CACNB2: variants seen among roughly 807,000 people sequenced by gnomAD.
CACNB2 encodes the protein calcium voltage-gated channel auxiliary subunit beta 2, also known as voltage-dependent L-type calcium channel subunit beta-2.
Under a neutral mutation model 73.3 loss-of-function variants are expected in CACNB2, and 42 were observed. The observed-to-expected ratio is 0.57, with a 90% CI of 0.45 to 0.74. The LOEUF is 0.74. Among genes scored for constraint, CACNB2 ranks in the 30% least tolerant of loss-of-function variants. CACNB2 has a pLI of 0.00. For missense variants in CACNB2, 940 were observed against 853.0 expected (o/e 1.10, Z -1.27); for synonymous variants, 348 against 310.3 (o/e 1.12, Z -1.28).
At chr10:18,400,728 A>T in intron 2 of CACNB2, 1 of 1,269,090 alleles carries the variant, frequency 7.9e-7, no homozygotes, top group Admixed American at 3.5e-5. Flanking sequence ...GGGTTATGAG[A>T]TGCATTAAGT....
At chr10:18,425,179 A>G (rs1407016521) in intron 3 of CACNB2, among the ~76,000 whole-genome samples, 4 of 152,142 alleles carry the variant, frequency 2.6e-5, no homozygotes, top group African/African-American at 9.7e-5. Context: ...TAATTATTAA[A>G]TTGTATTTTT....
intron 2 of CACNB2, among the ~76,000 whole-genome samples, chr10:18,204,617 G>A (rs754944224): frequency 2.0e-4 from 30 of 152,164 alleles, no homozygotes; most frequent in Admixed American, 1.3e-3. Context: ...TGTGGCCTTA[G>A]GCCACAAAAT....
chr10:18,235,772 T>C (rs1383858306), intron 2 of CACNB2, among the ~76,000 whole-genome samples: 1 of 152,098 alleles, frequency 6.6e-6, no homozygotes, highest in Non-Finnish European at 1.5e-5. Flanking sequence ...GTTGGTTAGA[T>C]ATTACAGCAG....
chr10:18,487,085 C>A (rs975026346), intron 3 of CACNB2, among the ~76,000 whole-genome samples: 1 of 152,120 alleles, frequency 6.6e-6, no homozygotes, highest in Admixed American at 6.5e-5. Context: ...AGAGATTGTT[C>A]GGACCAGGTG....
chr10:18,534,233 T>G lies in CACNB2; in HGVS notation c.1206+6T>G. The G allele has an allele frequency of 2.5e-6, 4 of 1,608,908 alleles. No individual in the cohort carries two copies. The highest frequency in any genetic ancestry group is 3.4e-6 in the Non-Finnish European group (4 of 1,175,270). On this transcript the variant is annotated splice_donor_region_variant and intron_variant, in intron 11 of 13. Coordinates refer to ENST00000324631, the MANE Select transcript of CACNB2 (RefSeq NM_201596.3). Reference sequence around the variant, plus strand: ...TAAAGATTTCTTCTCCTAAGGTAAGTAGGACTGCTACTGTTTGCTCTATAA... The same window carrying G: ...TAAAGATTTCTTCTCCTAAGGTAAGGAGGACTGCTACTGTTTGCTCTATAA...
chr10:18,364,095 T>C (rs2042250716), intron 2 of CACNB2, among the ~76,000 whole-genome samples: 1 of 151,320 alleles, frequency 6.6e-6, no homozygotes, highest in Non-Finnish European at 1.5e-5. Context: ...TACAGGCGCC[T>C]GCTACCACAC....
chr10:18,404,632 T>C (rs898121035), intron 3 of CACNB2, among the ~76,000 whole-genome samples: 1 of 152,184 alleles, frequency 6.6e-6, no homozygotes, highest in Admixed American at 6.5e-5. Context: ...AGATCACATG[T>C]AATAAATAAG....
At chr10:18,536,241 A>AC (rs778602200) in intron 12 of CACNB2, 45 bp downstream of exon 12, 2 of 281,516 alleles carry the variant, frequency 7.1e-6, no homozygotes, top group Non-Finnish European at 1.1e-5. Context: ...CAGAGATCAG[A>AC]CCTTTTTTTT....
At chr10:18,498,701 G>A (rs1190006085) in intron 4 of CACNB2, 1 of 519,448 alleles carries the variant, frequency 1.9e-6, no homozygotes, top group South Asian at 2.1e-5. Flanking sequence ...CGCTCCCTGG[G>A]GCTCTGTGGC....
chr10:18,495,589 GTGTA>G, intron 3 of CACNB2, among the ~76,000 whole-genome samples: 1 of 142,604 alleles, frequency 7.0e-6, no homozygotes, highest in Non-Finnish European at 1.5e-5. Context: ...GTGTGTGTGT[GTGTA>G]TAAGAGATGA....
At chr10:18,292,790 A>T (rs1422934925) in intron 2 of CACNB2, among the ~76,000 whole-genome samples, 1 of 152,220 alleles carries the variant, frequency 6.6e-6, no homozygotes, top group Non-Finnish European at 1.5e-5. Flanking sequence ...TCCTGCTATC[A>T]TGTTAAGTGA....
At chr10:18,199,246 A>G (rs958497313) in intron 2 of CACNB2, among the ~76,000 whole-genome samples, 2 of 152,232 alleles carry the variant, frequency 1.3e-5, no homozygotes, top group Non-Finnish European at 2.9e-5. Context: ...TAGAAATTGC[A>G]ACAAAGAATA....
At chr10:18,433,868 C>T (rs1205489094) in intron 3 of CACNB2, among the ~76,000 whole-genome samples, 1 of 137,950 alleles carries the variant, frequency 7.2e-6, no homozygotes, top group African/African-American at 2.7e-5. Flanking sequence ...TGTCTTAAAT[C>T]AGATTTTGTT....
intron 7 of CACNB2, among the ~76,000 whole-genome samples, chr10:18,517,572 C>G (rs2051405504): frequency 6.6e-6 from 1 of 152,050 alleles, no homozygotes; most frequent in Admixed American, 6.6e-5. Flanking sequence ...GATAATGAAC[C>G]TTTTGAGACC....
rs1396327212 is a variant in CACNB2, at chr10:18,141,356, G to C, written c.120+500G>C. On this transcript the variant is annotated intron_variant, in intron 1 of 13. Coordinates refer to ENST00000324631, the MANE Select transcript of CACNB2 (RefSeq NM_201596.3). ...GTGGGCAGGAGGGGAGCGAATATGG[G>C]GGTGCCCTGCCGGATCCCCCCAGAG... is the stretch of plus-strand genomic sequence containing the variant. 5.6e-5 allele frequency: 44 copies of C among 791,384 alleles called. No homozygotes were observed. In the East Asian group the frequency reaches 1.2e-3, roughly 21 times the overall value. The allele number at this position is 791,384 out of a possible 1,614,324, so 49.0% of individuals were successfully genotyped here.
intron 3 of CACNB2, among the ~76,000 whole-genome samples, chr10:18,411,414 G>A (rs1212031112): frequency 6.6e-6 from 1 of 151,498 alleles, no homozygotes; most frequent in African/African-American, 2.4e-5. Context: ...TATTAATAAT[G>A]ACAACAGTAA....
chr10:18,347,253 A>G (rs371076782), intron 2 of CACNB2, among the ~76,000 whole-genome samples: 29 of 151,206 alleles, frequency 1.9e-4, no homozygotes, highest in East Asian at 1.8e-3. Context: ...TCTTGGCTCA[A>G]TGCAACCTCC....
chr10:18,346,080 T>TC (rs890439057), intron 2 of CACNB2, among the ~76,000 whole-genome samples: 2 of 152,100 alleles, frequency 1.3e-5, no homozygotes, highest in Non-Finnish European at 2.9e-5. Context: ...CCTGCAGGGC[T>TC]CCCCCTCCAG....
At chr10:18,309,008 G>GA (rs921080655) in intron 2 of CACNB2, among the ~76,000 whole-genome samples, 61 of 148,882 alleles carry the variant, frequency 4.1e-4, no homozygotes, top group South Asian at 6.4e-4. Context: ...CCTTAAAATA[G>GA]AAAAAAAAAA....
Sources: gnomAD v4.1 joint callset for allele counts (sites outside exome capture counted in the v4.1 genomes callset) on GRCh38, gnomAD v4.1.1 for gene constraint, MANE v1.5 for transcripts, NCBI Gene and HGNC (gene_info 2026-07-23, HGNC 2026-07-21) for gene names.